ASTN2: variants seen among roughly 807,000 people sequenced by gnomAD.
ASTN2 encodes the protein astrotactin-2.
ASTN2 carries 54 observed loss-of-function variants against 139.8 expected under a neutral mutation model. That is an observed-to-expected ratio of 0.39 (90% CI 0.31 to 0.48). The LOEUF (loss-of-function observed/expected upper bound fraction) is 0.48. Among genes scored for constraint, ASTN2 ranks in the 20% least tolerant of loss-of-function variants. The probability of loss-of-function intolerance (pLI) is 0.95; values close to 1 mark genes in which losing one functional copy is unlikely to be tolerated. For missense variants in ASTN2, 1,565 were observed against 1,725.1 expected (o/e 0.91, Z 1.64); for synonymous variants, 756 against 719.5 (o/e 1.05, Z -0.81).
chr9:116,580,012 G>C (rs1853884726), intron 19 of ASTN2, among the ~76,000 whole-genome samples: 1 of 152,058 alleles, frequency 6.6e-6, no homozygotes. Context: ...AGTAGAGACG[G>C]GATTTCACCA....
At chr9:116,552,068 T>G (rs1315731263) in intron 19 of ASTN2, 2 of 152,190 alleles carry the variant, frequency 1.3e-5, no homozygotes, top group Non-Finnish European at 2.9e-5. Context: ...AATTTTCAGA[T>G]AAAGCAAAGG....
At chr9:117,050,612 A>T (rs1301621335) in intron 5 of ASTN2, among the ~76,000 whole-genome samples, 3 of 152,262 alleles carry the variant, frequency 2.0e-5, no homozygotes, top group Admixed American at 1.3e-4. Context: ...CTAGTAAGGA[A>T]CAGAGCTAGA....
intron 10 of ASTN2, among the ~76,000 whole-genome samples, chr9:116,915,157 T>C (rs1366920052): frequency 3.3e-5 from 5 of 152,206 alleles, no homozygotes; most frequent in Non-Finnish European, 5.9e-5. Context: ...GATATGTCAA[T>C]GCCATTGAAT....
At chr9:116,917,503 G>A (rs1834482428) in intron 10 of ASTN2, among the ~76,000 whole-genome samples, 1 of 152,172 alleles carries the variant, frequency 6.6e-6, no homozygotes, top group Admixed American at 6.5e-5. Flanking sequence ...AAACTTTTGG[G>A]TCTGGAGACA....
intron 6 of ASTN2, among the ~76,000 whole-genome samples, chr9:117,011,331 G>C (rs924381533): frequency 3.3e-5 from 5 of 152,174 alleles, no homozygotes; most frequent in Non-Finnish European, 5.9e-5. Context: ...GATTACATGG[G>C]TGGAGCCCCT....
At chr9:117,307,059 A>C (rs1250260179) in intron 1 of ASTN2, among the ~76,000 whole-genome samples, 1 of 152,186 alleles carries the variant, frequency 6.6e-6, no homozygotes, top group Non-Finnish European at 1.5e-5. Flanking sequence ...TAAATGGATC[A>C]TAGGTACACA....
chr9:117,061,150 T>C (rs1011275008), intron 5 of ASTN2, among the ~76,000 whole-genome samples: 29 of 130,524 alleles, frequency 2.2e-4, no homozygotes, highest in Admixed American at 1.2e-3. Flanking sequence ...TTTATTTATT[T>C]ATTTATTTAT....
intron 14 of ASTN2, among the ~76,000 whole-genome samples, chr9:116,733,034 G>A (rs973350734): frequency 3.3e-5 from 5 of 152,158 alleles, no homozygotes; most frequent in Admixed American, 6.5e-5. Flanking sequence ...GACTTAAAAC[G>A]AACCAAGAAA....
At chr9:117,292,979 T>A (rs1320801088) in intron 1 of ASTN2, among the ~76,000 whole-genome samples, 1 of 152,128 alleles carries the variant, frequency 6.6e-6, no homozygotes, top group Non-Finnish European at 1.5e-5. Flanking sequence ...TGTTTAGCAC[T>A]TAATAAGGGC....
At chr9:116,789,456 A>T (rs1290019036) in intron 13 of ASTN2, among the ~76,000 whole-genome samples, 1 of 152,192 alleles carries the variant, frequency 6.6e-6, no homozygotes, top group East Asian at 1.9e-4. Context: ...TTGGACTCTT[A>T]AAAGCCACCT....
chr9:116,631,120 G>A (rs1389094162), intron 17 of ASTN2, among the ~76,000 whole-genome samples: 1 of 152,124 alleles, frequency 6.6e-6, no homozygotes, highest in Non-Finnish European at 1.5e-5. Flanking sequence ...ATATAAATTA[G>A]TACAGCTATC....
At chr9:116,664,606 CA>C (rs1417972723) in intron 16 of ASTN2, among the ~76,000 whole-genome samples, 2 of 147,440 alleles carry the variant, frequency 1.4e-5, no homozygotes, top group Non-Finnish European at 3.0e-5. Context: ...TTGCACCACA[CA>C]AAAGTTTTAC....
intron 2 of ASTN2, among the ~76,000 whole-genome samples, chr9:117,260,344 T>C (rs956138403): frequency 6.6e-6 from 1 of 152,194 alleles, no homozygotes; most frequent in Non-Finnish European, 1.5e-5. Flanking sequence ...TTATTCTTCT[T>C]CTAAAGGTCT....
At chr9:116,429,548 C>G (rs1184526237) in intron 22 of ASTN2, among the ~76,000 whole-genome samples, 2 of 152,104 alleles carry the variant, frequency 1.3e-5, no homozygotes, top group African/African-American at 4.8e-5. Flanking sequence ...ACGTCAAACT[C>G]TTAGAAAATT....
At position 116,805,633 on chromosome 9, in the gene ASTN2, T is replaced by C. The variant is rs2132246649; in HGVS notation, c.2395A>G (p.Arg799Gly). 1 of 1,613,674 alleles carries C rather than the reference T, an allele frequency of 6.2e-7. No homozygotes were observed. The highest frequency in any genetic ancestry group is 1.7e-5 in the Admixed American group (1 of 59,998). The change falls in exon 13 of 23, where the codon AGG (arginine) becomes GGG (glycine). Residue 799 changes from arginine to glycine, a missense_variant and splice_region_variant. By Grantham distance (125) the Arg-to-Gly change is moderately radical. This residue lies in a region of ASTN2 where 503 missense variants were observed against 591.7 expected (regional missense o/e 0.85). Transcript: ENST00000313400. ...AATGTGCAAGTATCTACAGCATACC[T>C]AAAGGTCATCTGGAAGACTTGGCCT... ...NQGQVFQMTF[R>G]ENNFIKDFPQ...
At chr9:116,613,439 A>C in intron 19 of ASTN2, 1 of 152,186 alleles carries the variant, frequency 6.6e-6, no homozygotes. Flanking sequence ...AGAATTTTAG[A>C]CCAATATCCC....
intron 5 of ASTN2, among the ~76,000 whole-genome samples, chr9:117,087,507 A>G (rs1470680188): frequency 6.6e-6 from 1 of 152,130 alleles, no homozygotes; most frequent in Non-Finnish European, 1.5e-5. Context: ...AGATTACAGG[A>G]GTGAGCCACT....
intron 4 of ASTN2, among the ~76,000 whole-genome samples, chr9:117,134,687 G>A (rs1829909336): frequency 1.3e-5 from 2 of 152,112 alleles, no homozygotes; most frequent in Non-Finnish European, 2.9e-5. Flanking sequence ...TACCTGCTCT[G>A]TGAAGCCTTC....
chr9:117,348,942 C>A (rs932353080), intron 1 of ASTN2, among the ~76,000 whole-genome samples: 2 of 151,318 alleles, frequency 1.3e-5, no homozygotes, highest in Non-Finnish European at 2.9e-5. Flanking sequence ...TCCCTCTGCC[C>A]CATTAACTTG....
Sources: allele counts gnomAD v4.1 joint callset (sites outside exome capture counted in the v4.1 genomes callset), GRCh38; gene constraint gnomAD v4.1.1; regional missense constraint gnomAD v4.1.1; transcripts MANE v1.5; gene names NCBI Gene and HGNC (gene_info 2026-07-23, HGNC 2026-07-21).